The following CLASP2 variants were observed in gnomAD, a reference collection of about 807,000 sequenced individuals.
CLASP2 encodes the protein CLIP-associating protein 2.
CLASP2 carries 47 observed loss-of-function variants against 194.4 expected under a neutral mutation model. The ratio of observed to expected loss-of-function variants is 0.24; its 90% confidence interval spans 0.19 to 0.31. The LOEUF (loss-of-function observed/expected upper bound fraction) is 0.31. Among genes scored for constraint, CLASP2 ranks in the 10% least tolerant of loss-of-function variants. The pLI is 1.00. For synonymous variants in CLASP2, 619 were observed against 633.5 expected (o/e 0.98, Z 0.34); for missense variants, 1,445 against 1,823.6 (o/e 0.79, Z 3.78).
At chr3:33,508,670 A>G (rs2048961095) in intron 37 of CLASP2, among the ~76,000 whole-genome samples, 1 of 152,186 alleles carries the variant, frequency 6.6e-6, no homozygotes, top group African/African-American at 2.4e-5. Flanking sequence ...TGAATTTACT[A>G]GCTGGAATCC....
At position 33,568,911 on chromosome 3, in the gene CLASP2, C is replaced by G. The variant is rs112790576; in HGVS notation, c.2763+1816G>C. Among the ~76,000 whole-genome samples the G allele has an allele frequency of 7.2e-5, 11 of 152,266 alleles. 1 individual carries two copies. The highest frequency in any genetic ancestry group is 2.2e-4 in the African/African-American group (9 of 41,556). ...TCAGAATACAATGCAAAAACTCAAACATTTTTAACTCGGCACAGGATGGTG... is the reference window on the plus strand; with the variant it reads ...TCAGAATACAATGCAAAAACTCAAAGATTTTTAACTCGGCACAGGATGGTG... On this transcript the variant is annotated intron_variant, in intron 26 of 38. Transcript: ENST00000682230.
chr3:33,576,138 T>C lies in CLASP2; in HGVS notation c.2454+31A>G, dbSNP rs780982466. 6.4e-6 allele frequency: 10 copies of C among 1,560,294 alleles called. No homozygotes were observed. In the African/African-American group the frequency reaches 1.1e-4, roughly 17 times the overall value. ...ATTCAACAGTTTCGTAATTGGAACA[T>C]TTATAATGATAAGAAAATGGAGAAG... On this transcript the variant is annotated intron_variant, in intron 24 of 38. Coordinates refer to ENST00000682230, the MANE Select transcript of CLASP2 (RefSeq NM_001365631.1).
At chr3:33,670,849 A>G (rs543374942) in intron 6 of CLASP2, among the ~76,000 whole-genome samples, 4 of 152,318 alleles carry the variant, frequency 2.6e-5, no homozygotes, top group South Asian at 4.2e-4. Flanking sequence ...CAGAATATCA[A>G]TGCAAAATCC....
At chr3:33,608,351 A>G (rs1484179095) in intron 14 of CLASP2, among the ~76,000 whole-genome samples, 1 of 152,230 alleles carries the variant, frequency 6.6e-6, no homozygotes, top group Non-Finnish European at 1.5e-5. Context: ...ATTCTATTTG[A>G]GAAACCCTTA....
At chr3:33,580,012 T>C (rs2065684689) in intron 23 of CLASP2, among the ~76,000 whole-genome samples, 1 of 152,210 alleles carries the variant, frequency 6.6e-6, no homozygotes. Flanking sequence ...AGACTAACTC[T>C]ATTGCATATG....
At chr3:33,565,590 A>G (rs549461265) in intron 27 of CLASP2, among the ~76,000 whole-genome samples, 39 of 152,230 alleles carry the variant, frequency 2.6e-4, no homozygotes, top group Middle Eastern at 6.8e-3. Flanking sequence ...AGGTGTGTGG[A>G]TCACCTGAGG....
At chr3:33,711,684 A>C (rs936925603) in intron 1 of CLASP2, among the ~76,000 whole-genome samples, 4 of 150,834 alleles carry the variant, frequency 2.7e-5, no homozygotes, top group African/African-American at 9.8e-5. Flanking sequence ...GGAAAAAAAA[A>C]CCAAATTATC....
At chr3:33,630,069 G>A (rs879602589) in intron 9 of CLASP2, among the ~76,000 whole-genome samples, 5 of 152,060 alleles carry the variant, frequency 3.3e-5, no homozygotes, top group Admixed American at 1.3e-4. Flanking sequence ...GAAACGTAAC[G>A]GTAACACACA....
chr3:33,626,529 C>A (rs1415066669), intron 10 of CLASP2, among the ~76,000 whole-genome samples: 1 of 152,036 alleles, frequency 6.6e-6, no homozygotes, highest in Non-Finnish European at 1.5e-5. Flanking sequence ...GAGAAATATT[C>A]ATCACATTCA....
chr3:33,632,632 C>T (rs1028423645), intron 8 of CLASP2, among the ~76,000 whole-genome samples: 3 of 152,146 alleles, frequency 2.0e-5, no homozygotes, highest in Admixed American at 6.5e-5. Flanking sequence ...ACCCGCCTCC[C>T]TATTCAATGC....
chr3:33,667,145 C>A (rs1267957901), intron 6 of CLASP2, among the ~76,000 whole-genome samples: 2 of 152,076 alleles, frequency 1.3e-5, no homozygotes, highest in Non-Finnish European at 2.9e-5. Context: ...GGTACGGTGG[C>A]TCATGCCTGT....
intron 5 of CLASP2, among the ~76,000 whole-genome samples, chr3:33,686,537 C>G (rs907771777): frequency 6.6e-6 from 1 of 152,178 alleles, no homozygotes; most frequent in African/African-American, 2.4e-5. Context: ...AGAACAGTTT[C>G]ATCCCAAAAC....
chr3:33,692,513 CACAT>C (rs1389053600), intron 2 of CLASP2, among the ~76,000 whole-genome samples: 5 of 152,266 alleles, frequency 3.3e-5, no homozygotes, highest in Admixed American at 1.3e-4. Flanking sequence ...CGCTTTTTAA[CACAT>C]ACTACCTTGA....
At chr3:33,664,381 T>C (rs1307691273) in intron 6 of CLASP2, among the ~76,000 whole-genome samples, 2 of 152,172 alleles carry the variant, frequency 1.3e-5, no homozygotes, top group African/African-American at 4.8e-5. Flanking sequence ...GTCACTGACA[T>C]ATTGCCTTTA....
intron 33 of CLASP2, among the ~76,000 whole-genome samples, chr3:33,538,140 CA>C (rs56146913): frequency 7.7e-4 from 110 of 142,834 alleles, no homozygotes; most frequent in Non-Finnish European, 6.8e-4. Context: ...GACTCCGTCT[CA>C]AAAAAAAAAA....
At position 33,612,081 on chromosome 3, in the gene CLASP2, A is replaced by T; in HGVS notation, c.1318-10T>A. On this transcript the variant is annotated splice_polypyrimidine_tract_variant and intron_variant, in intron 12 of 38. Transcript: ENST00000682230. Reference sequence around the variant, plus strand: ...TGGGTACATGAGTATGCTGAAAAAGATGTTTTAGAAAAGGTTGAAAATACT... The same window carrying T: ...TGGGTACATGAGTATGCTGAAAAAGTTGTTTTAGAAAAGGTTGAAAATACT... 1 of 1,580,502 alleles carries T rather than the reference A, an allele frequency of 6.3e-7. No homozygotes were observed. The highest frequency in any genetic ancestry group is 8.7e-7 in the Non-Finnish European group (1 of 1,153,108).
Position 33,622,167 on chromosome 3 carries a change from G to A in CLASP2, c.1149C>T (p.Ser383=), listed in dbSNP as rs2077220519. 1.9e-6 allele frequency: 3 copies of A among 1,595,634 alleles called. No individual in the cohort carries two copies. Among genetic ancestry groups the A allele is most frequent in the Non-Finnish European group, 2.6e-6 (3 of 1,172,436 alleles). The change falls in exon 11 of 39, where the codon TCC becomes TCT. Residue 383 remains serine (S), a synonymous_variant. Transcript: ENST00000682230. ...ALKLSAKDLR[S]QVVREACITV... ...TAATACAAGCTTCTCTAACCACCTGGGATCTAAGATCCTTAGCTGAAAGTT... is the reference window on the plus strand; with the variant it reads ...TAATACAAGCTTCTCTAACCACCTGAGATCTAAGATCCTTAGCTGAAAGTT...
intron 6 of CLASP2, among the ~76,000 whole-genome samples, chr3:33,667,427 AAG>A (rs2086397073): frequency 6.6e-6 from 1 of 150,818 alleles, no homozygotes; most frequent in Non-Finnish European, 1.5e-5. Flanking sequence ...AAAAAAAAAA[AAG>A]ACATTTGATT....
At chr3:33,680,572 G>C (rs2089645051) in intron 6 of CLASP2, among the ~76,000 whole-genome samples, 2 of 152,192 alleles carry the variant, frequency 1.3e-5, no homozygotes, top group African/African-American at 4.8e-5. Context: ...ACTTTGGGAG[G>C]CTGAGGCAGG....
Sources: allele counts gnomAD v4.1 joint callset (sites outside exome capture counted in the v4.1 genomes callset), GRCh38; gene constraint gnomAD v4.1.1; transcripts MANE v1.5; gene names NCBI Gene and HGNC (gene_info 2026-07-23, HGNC 2026-07-21).